The following SMARCC1 variants were observed in gnomAD, a reference collection of about 807,000 sequenced individuals.
SMARCC1 encodes SWI/SNF complex subunit SMARCC1.
In SMARCC1, 43 loss-of-function variants were observed where a neutral mutation model predicts 147.4. The observed-to-expected ratio is 0.29, with a 90% CI of 0.23 to 0.38. The LOEUF (loss-of-function observed/expected upper bound fraction) is 0.38, where lower values mean the gene tolerates loss of function less well. SMARCC1 is among the 10% of genes least tolerant of loss of function. The pLI, the probability that SMARCC1 is intolerant of heterozygous loss-of-function variation, is 1.00. For missense variants in SMARCC1, 1,119 were observed against 1,381.1 expected (o/e 0.81, Z 3.01); for synonymous variants, 495 against 484.4 (o/e 1.02, Z -0.29).
In SMARCC1 at chr3:47,636,733, C is replaced by A. The variant is rs143107278; in HGVS notation, c.2377-597G>T. On this transcript the variant is annotated intron_variant, in intron 22 of 27. Coordinates refer to ENST00000254480, the MANE Select transcript of SMARCC1 (RefSeq NM_003074.4). ...TCACACCATTGCACTCTAGCCTAGGCAGCAAGAGTGAGACTCCATCTCAAA... is the reference window on the plus strand; with the variant it reads ...TCACACCATTGCACTCTAGCCTAGGAAGCAAGAGTGAGACTCCATCTCAAA... Among the ~76,000 whole-genome samples, 716 of 151,612 alleles carry A rather than the reference C, an allele frequency of 4.7e-3. 7 individuals are homozygous for A. Among genetic ancestry groups the A allele is most frequent in the African/African-American group, 0.016 (674 of 41,268 alleles).
chr3:47,763,053 G>C (rs1464164028), intron 2 of SMARCC1, among the ~76,000 whole-genome samples: 1 of 117,470 alleles, frequency 8.5e-6, no homozygotes, highest in African/African-American at 3.1e-5. Flanking sequence ...GCGACAGAGC[G>C]AGACTCCATC....
At chr3:47,615,194 C>G (rs1163258292) in intron 25 of SMARCC1, among the ~76,000 whole-genome samples, 1 of 152,134 alleles carries the variant, frequency 6.6e-6, no homozygotes, top group Non-Finnish European at 1.5e-5. Context: ...CATATAATAC[C>G]TTATTACTTA....
intron 25 of SMARCC1, among the ~76,000 whole-genome samples, chr3:47,617,823 C>G (rs1268123447): frequency 6.6e-6 from 1 of 152,194 alleles, no homozygotes; most frequent in Non-Finnish European, 1.5e-5. Flanking sequence ...CCACTGAAAA[C>G]TATTCACCTA....
At chr3:47,721,154 T>C (rs1400291644) in intron 6 of SMARCC1, among the ~76,000 whole-genome samples, 1 of 152,216 alleles carries the variant, frequency 6.6e-6, no homozygotes, top group Non-Finnish European at 1.5e-5. Flanking sequence ...ATGTAAACCG[T>C]ACTTCATCTC....
chr3:47,743,728 G>A (rs1019791648), intron 3 of SMARCC1, among the ~76,000 whole-genome samples: 2 of 151,170 alleles, frequency 1.3e-5, no homozygotes, highest in Non-Finnish European at 2.9e-5. Flanking sequence ...CAGGAGAACT[G>A]CTTGAACCTG....
intron 3 of SMARCC1, among the ~76,000 whole-genome samples, chr3:47,739,030 CT>C (rs2034477476): frequency 6.6e-6 from 1 of 152,218 alleles, no homozygotes; most frequent in Non-Finnish European, 1.5e-5. Context: ...TTGGTAAAAT[CT>C]TTACAAAGTC....
At chr3:47,672,178 A>G (rs764530836) in intron 18 of SMARCC1, among the ~76,000 whole-genome samples, 20 of 152,186 alleles carry the variant, frequency 1.3e-4, no homozygotes, top group African/African-American at 1.9e-4. Context: ...GCCTGTATCT[A>G]TAACGCAGAA....
rs140113684 is a variant in SMARCC1, at chr3:47,692,879, G to A, written c.1225+362C>T. 5.7e-3 allele frequency among the ~76,000 whole-genome samples: 873 copies of A among 152,208 alleles called. 8 individuals carry two copies. Among genetic ancestry groups the A allele is most frequent in the African/African-American group, 0.02 (825 of 41,528 alleles). On this transcript the variant is annotated intron_variant, in intron 12 of 27. Transcript: ENST00000254480. Reference sequence around the variant, plus strand: ...CTAAAAATACAAAAATTAGCTGGGCGTGGTGGCGCAAGCCTGTAATCCTAG... The same window carrying A: ...CTAAAAATACAAAAATTAGCTGGGCATGGTGGCGCAAGCCTGTAATCCTAG...
chr3:47,622,285 C>G lies in SMARCC1; in HGVS notation c.2703G>C (p.Glu901Asp). ...KIKSLVALLV[E>D]TQMKKLEIKL... ...TGATCTCTAGTTTCTTCATTTGTGTCTCAACCAAGAGAGCTACCAGGGACT... is the reference window on the plus strand; with the variant it reads ...TGATCTCTAGTTTCTTCATTTGTGTGTCAACCAAGAGAGCTACCAGGGACT... Residue 901 changes from glutamate to aspartate, a missense_variant, in exon 25 of 28, where the codon GAG (glutamate) becomes GAC (aspartate). Glu to Asp is a conservative substitution (Grantham distance 45, BLOSUM62 2). Transcript: ENST00000254480. The G allele has an allele frequency of 6.2e-7, 1 of 1,611,490 alleles. No individual in the cohort carries two copies. The highest frequency in any genetic ancestry group is 8.5e-7 in the Non-Finnish European group (1 of 1,179,086).
At chr3:47,708,160 C>T (rs1261342583) in intron 9 of SMARCC1, among the ~76,000 whole-genome samples, 3 of 122,190 alleles carry the variant, frequency 2.5e-5, no homozygotes, top group African/African-American at 9.6e-5. Flanking sequence ...AGTGCAGTGG[C>T]GCGATCTCAG....
At chr3:47,632,135 A>C (rs1354077003) in intron 24 of SMARCC1, among the ~76,000 whole-genome samples, 2 of 152,174 alleles carry the variant, frequency 1.3e-5, no homozygotes, top group East Asian at 3.9e-4. Context: ...GGAATAGTGA[A>C]GGGGCAGGCC....
intron 18 of SMARCC1, among the ~76,000 whole-genome samples, chr3:47,673,084 A>G (rs919721219): frequency 6.6e-6 from 1 of 151,976 alleles, no homozygotes; most frequent in Non-Finnish European, 1.5e-5. Context: ...TGATTTTAAA[A>G]TATTTTTTTC....
intron 9 of SMARCC1, among the ~76,000 whole-genome samples, chr3:47,708,416 C>CA (rs1425655030): frequency 6.6e-6 from 1 of 152,098 alleles, no homozygotes; most frequent in African/African-American, 2.4e-5. Context: ...ACTGGAATTA[C>CA]AGGCTTTAGC....
At chr3:47,655,167 T>C (rs1174448568) in intron 21 of SMARCC1, among the ~76,000 whole-genome samples, 1 of 152,218 alleles carries the variant, frequency 6.6e-6, no homozygotes, top group Non-Finnish European at 1.5e-5. Flanking sequence ...GGTGTTTATA[T>C]GATATGTTCT....
intron 1 of SMARCC1, among the ~76,000 whole-genome samples, chr3:47,778,289 G>GT (rs2035001693): frequency 7.1e-6 from 1 of 140,278 alleles, no homozygotes; most frequent in Non-Finnish European, 1.5e-5. Context: ...GTTTTTTTTT[G>GT]TTTTTGTTTT....
At chr3:47,690,210 A>G (rs971519884) in intron 12 of SMARCC1, among the ~76,000 whole-genome samples, 1 of 152,144 alleles carries the variant, frequency 6.6e-6, no homozygotes, top group African/African-American at 2.4e-5. Context: ...AAAGAAAAGA[A>G]AAGAAAAAGG....
intron 2 of SMARCC1, among the ~76,000 whole-genome samples, chr3:47,755,375 T>C (rs1354168381): frequency 6.7e-6 from 1 of 149,390 alleles, no homozygotes; most frequent in Admixed American, 6.7e-5. Context: ...TGGCAGCCTG[T>C]AGTCCGAACT....
chr3:47,626,337 G>T (rs996096081), intron 24 of SMARCC1, among the ~76,000 whole-genome samples: 1 of 151,692 alleles, frequency 6.6e-6, no homozygotes, highest in African/African-American at 2.4e-5. Context: ...AGTAGAGACG[G>T]GGTTTCACCA....
chr3:47,755,517 C>T (rs992754376), intron 2 of SMARCC1, among the ~76,000 whole-genome samples: 7 of 145,710 alleles, frequency 4.8e-5, no homozygotes, highest in Non-Finnish European at 9.0e-5. Flanking sequence ...AAAAGAAAAA[C>T]TAATTAAATA....
Sources: allele counts gnomAD v4.1 joint callset (sites outside exome capture counted in the v4.1 genomes callset), GRCh38; gene constraint gnomAD v4.1.1; transcripts MANE v1.5; gene names NCBI Gene and HGNC (gene_info 2026-07-23, HGNC 2026-07-21).